C3: variants seen among roughly 807,000 people sequenced by gnomAD.
C3 encodes the protein complement C3.
In C3, 97 loss-of-function variants were observed where a neutral mutation model predicts 207.9. That is an observed-to-expected ratio of 0.47 (90% CI 0.40 to 0.55). The LOEUF (loss-of-function observed/expected upper bound fraction) is 0.55. C3 is among the 20% of genes least tolerant of loss of function. C3 has a pLI of 0.00. For synonymous variants in C3, 848 were observed against 857.6 expected (o/e 0.99, Z 0.20); for missense variants, 1,684 against 2,171.7 (o/e 0.78, Z 4.46).
At chr19:6,697,862 T>A in intron 19 of C3, 68 bp from the exon 20 acceptor site, 1 of 1,524,290 alleles carries the variant, frequency 6.6e-7, no homozygotes, top group Non-Finnish European at 8.9e-7. Context: ...CTCCTGGGTC[T>A]CAGCTCTTAG....
intron 24 of C3, among the ~76,000 whole-genome samples, chr19:6,694,138 CT>C (rs1310386430): frequency 2.5e-4 from 26 of 102,858 alleles, no homozygotes; most frequent in South Asian, 7.3e-4. Flanking sequence ...AGAGCCTGGC[CT>C]GGGAGGAGTC....
chr19:6,680,311 T>C (rs1254719946), intron 35 of C3, 48 bp from the exon 36 acceptor site: 1 of 973,856 alleles, frequency 1.0e-6, no homozygotes, highest in East Asian at 2.4e-5. Flanking sequence ...TGGGAGGGAG[T>C]CCAGCATTGT....
Position 6,714,358 on chromosome 19 carries a change from A to T in C3, c.593T>A (p.Leu198His). ...VLPLSWDIPE[L>H]VNMGQWKIRA... ...CCTCAAGAACCTGACATACTTGACG[A>T]GTTCCGGAATGTCCCAAGACAAGGG... is the stretch of plus-strand genomic sequence containing the variant. The change falls in exon 5 of 41, where the codon CTC becomes CAC. Residue 198 changes from leucine (L) to histidine (H), a missense_variant. Leu to His is a moderately conservative substitution (Grantham distance 99). Around this residue, in one of 3 missense-constraint regions of C3, gnomAD observed 1,280 missense variants for 1,739.1 expected, o/e 0.74. Coordinates refer to ENST00000245907, the MANE Select transcript of C3 (RefSeq NM_000064.4). The T allele has an allele frequency of 6.2e-7, 1 of 1,613,632 alleles. No individual in the cohort carries two copies. Among genetic ancestry groups the T allele is most frequent in the Non-Finnish European group, 8.5e-7 (1 of 1,179,806 alleles).
At chr19:6,691,137 T>C (rs1918156989) in intron 26 of C3, among the ~76,000 whole-genome samples, 1 of 148,062 alleles carries the variant, frequency 6.8e-6, no homozygotes, top group Non-Finnish European at 1.5e-5. Context: ...CCCTGCAACC[T>C]CCGCCTCCTG....
At chr19:6,685,712 C>T (rs11569538) in intron 29 of C3, among the ~76,000 whole-genome samples, 1 of 152,126 alleles carries the variant, frequency 6.6e-6, no homozygotes, top group African/African-American at 2.4e-5. Flanking sequence ...TGGGAACATA[C>T]TATAGAGCCC....
At chr19:6,714,520 C>A in intron 4 of C3, 74 bp from the exon 5 acceptor site, 1 of 1,020,286 alleles carries the variant, frequency 9.8e-7, no homozygotes, top group East Asian at 2.4e-5. Flanking sequence ...TCAGCTCTCC[C>A]CGACCTGTGT....
In C3 at chr19:6,707,262, G is replaced by A; in HGVS notation, c.2059C>T (p.Pro687Ser). 2 of 1,610,134 alleles carry A rather than the reference G, an allele frequency of 1.2e-6. No individual in the cohort carries two copies. Among genetic ancestry groups the A allele is most frequent in the Non-Finnish European group, 1.7e-6 (2 of 1,178,402 alleles). Residue 687 changes from proline (P) to serine (S), a missense_variant, in exon 17 of 41, where the codon CCC (proline) becomes TCC (serine). By Grantham distance (74) the Pro-to-Ser change is moderately conservative. Around this residue, in one of 3 missense-constraint regions of C3, gnomAD observed 1,280 missense variants for 1,739.1 expected, o/e 0.74. Transcript: ENST00000245907. Reference protein sequence around the residue: ...EKRMDKVGKYPKELRKCCEDG... With the variant: ...EKRMDKVGKYSKELRKCCEDG... The stretch of plus-strand genomic sequence containing the variant: ...TCGCAGCACTTGCGCAGCTCCTTGG[G>A]GTACTTGCCGACTGCGGGAGCACGT...
In C3 at chr19:6,684,951, C is replaced by T. The variant is rs199543927; in HGVS notation, c.3969+37G>A. On this transcript the variant is annotated intron_variant, in intron 30 of 40. Transcript: ENST00000245907. ...AAACCCTGGCTAGTGTAGGGGGAGA[C>T]AGCCAGAGTGAGGAGGGCTTGGCTG... is the stretch of plus-strand genomic sequence containing the variant. 323 of 1,612,894 alleles carry T rather than the reference C, an allele frequency of 2.0e-4. 1 individual carries two copies. In the African/African-American group the frequency reaches 4.0e-3, roughly 20 times the overall value.
chr19:6,716,405 CTT>C (rs1220743419), intron 4 of C3: 1 of 151,818 alleles, frequency 6.6e-6, no homozygotes, highest in Non-Finnish European at 1.5e-5. Context: ...TTGTTTTTAA[CTT>C]TTCTTTTTTG....
Position 6,718,361 on chromosome 19 carries a change from T to A in C3, c.319A>T (p.Thr107Ser). 1 of 1,614,200 alleles carries A rather than the reference T, an allele frequency of 6.2e-7. No individual in the cohort carries two copies. Residue 107 changes from threonine to serine, a missense_variant, in exon 3 of 41, where the codon ACC becomes TCC. Thr to Ser is a moderately conservative substitution (Grantham distance 58). This residue lies in a region of C3 where 1,280 missense variants were observed against 1,739.1 expected (regional missense o/e 0.74). Transcript: ENST00000245907. ...TGGGTCCCGAAGGTGGCCTGCACGG[T>A]CACGAACTTGTTGCGCCCCTTTTCT... ...KSEKGRNKFV[T>S]VQATFGTQVV... is the part of the protein sequence containing the mutation.
chr19:6,709,813 G>T lies in C3; in HGVS notation c.1716C>A (p.Asp572Glu), dbSNP rs755637982. The T allele has an allele frequency of 6.2e-7, 1 of 1,613,900 alleles. No homozygotes were observed. Among genetic ancestry groups the T allele is most frequent in the Non-Finnish European group, 8.5e-7 (1 of 1,180,012 alleles). Residue 572 changes from aspartate (D) to glutamate (E), a missense_variant, in exon 14 of 41, where the codon GAC (aspartate) becomes GAA (glutamate). Physicochemically the swap from Asp to Glu is conservative, Grantham distance 45. Around this residue, in one of 3 missense-constraint regions of C3, gnomAD observed 1,280 missense variants for 1,739.1 expected, o/e 0.74. Transcript: ENST00000245907. The part of the protein sequence containing the change: ...SLVVKSGQSE[D>E]RQPVPGQQMT... ...TCTGCTGCCCAGGTACAGGCTGCCG[G>T]TCTTCTGACTGGCCGCTTTTTACCA...
chr19:6,682,603 G>A, intron 33 of C3: 1 of 315,496 alleles, frequency 3.2e-6, no homozygotes, highest in South Asian at 3.0e-5. Flanking sequence ...TTCTTTTTCA[G>A]TACCTTGGTA....
At chr19:6,716,732 G>A (rs1025393687) in intron 4 of C3, 1 of 152,210 alleles carries the variant, frequency 6.6e-6, no homozygotes, top group Non-Finnish European at 1.5e-5. Context: ...TTCAATAGAG[G>A]GCGAGGCGAT....
In C3 at chr19:6,718,424, C is replaced by A. The variant is rs1051059719; in HGVS notation, c.268-12G>T. On this transcript the variant is annotated splice_polypyrimidine_tract_variant and intron_variant, in intron 2 of 40. Transcript: ENST00000245907. ...CTGTTGGCTGGGATCTAGGCGTGGG[C>A]AGGGCATTGTCAGGGGTCTGTTCCA... is the stretch of plus-strand genomic sequence containing the variant. 1.2e-6 allele frequency: 2 copies of A among 1,614,052 alleles called. No individual in the cohort carries two copies. Among genetic ancestry groups the A allele is most frequent in the Non-Finnish European group, 1.7e-6 (2 of 1,180,026 alleles).
At chr19:6,693,104 G>A in intron 25 of C3, 21 bp from the exon 26 acceptor site, 4 of 1,613,066 alleles carry the variant, frequency 2.5e-6, no homozygotes, top group Non-Finnish European at 3.4e-6. Flanking sequence ...CACAGAGCAT[G>A]AGCCAATCGG....
chr19:6,697,637 C>G lies in C3; in HGVS notation c.2583+15G>C. On this transcript the variant is annotated intron_variant, in intron 20 of 40. Coordinates refer to ENST00000245907, the MANE Select transcript of C3 (RefSeq NM_000064.4). Reference sequence around the variant, plus strand: ...CTGGCAGCCTCCAAGAAGCCTCTGCCACCCCGGGACCCACCTTGAGCTCTT... The same window carrying G: ...CTGGCAGCCTCCAAGAAGCCTCTGCGACCCCGGGACCCACCTTGAGCTCTT... 6.2e-7 allele frequency: 1 copy of G among 1,614,084 alleles called. No homozygotes were observed. Among genetic ancestry groups the G allele is most frequent in the Admixed American group, 1.7e-5 (1 of 60,018 alleles).
chr19:6,717,515 G>A lies in C3; in HGVS notation c.504+579C>T, dbSNP rs181137446. On this transcript the variant is annotated intron_variant, in intron 4 of 40. Transcript: ENST00000245907. Reference sequence around the variant, plus strand: ...TTTGTGTGCACTGTGTTGTGTGGTCGTGTATGTTGTGTGGTTGTGTGTTGT... The same window carrying A: ...TTTGTGTGCACTGTGTTGTGTGGTCATGTATGTTGTGTGGTTGTGTGTTGT... 1.5e-4 allele frequency: 35 copies of A among 231,476 alleles called. No homozygotes were observed. The East Asian group carries it at 3.4e-3, about 23-fold the overall frequency. The allele number at this position is 231,476 out of a possible 1,614,324, so 14.3% of individuals were successfully genotyped here.
At chr19:6,685,746 G>A (rs556826933) in intron 29 of C3, among the ~76,000 whole-genome samples, 34 of 152,262 alleles carry the variant, frequency 2.2e-4, no homozygotes, top group African/African-American at 7.0e-4. Flanking sequence ...TGTGACATTG[G>A]GAGCCTGGTA....
At chr19:6,707,563 A>T (rs371009538) in intron 15 of C3, 26 bp from the exon 16 acceptor site, 79 of 1,613,242 alleles carry the variant, frequency 4.9e-5, no homozygotes, top group Non-Finnish European at 6.2e-5. Flanking sequence ...ACCGAGAAGA[A>T]GATGGATGAG....
Sources: allele counts gnomAD v4.1 joint callset (sites outside exome capture counted in the v4.1 genomes callset), GRCh38; gene constraint gnomAD v4.1.1; regional missense constraint gnomAD v4.1.1; transcripts MANE v1.5; gene names NCBI Gene and HGNC (gene_info 2026-07-23, HGNC 2026-07-21).